FDFT1: variants seen among roughly 807,000 people sequenced by gnomAD.
The protein encoded by FDFT1 is squalene synthase.
A neutral mutation model predicts 46.8 loss-of-function variants in FDFT1; 68 were observed. The ratio of observed to expected loss-of-function variants is 1.45; its 90% CI spans 1.19 to 1.78. The LOEUF is 1.78. Ranked by LOEUF, FDFT1 falls within the 40% of genes most tolerant of loss-of-function variation. FDFT1 has a pLI of 0.00. For synonymous variants in FDFT1, 351 were observed against 185.1 expected (o/e 1.90, Z -7.28); for missense variants, 928 against 524.4 (o/e 1.77, Z -7.52).
intron 6 of FDFT1, 32 bp from the exon 7 acceptor site, chr8:11,831,486 T>G: frequency 6.2e-7 from 1 of 1,600,016 alleles, no homozygotes; most frequent in Non-Finnish European, 8.5e-7. Flanking sequence ...ACATCATTTC[T>G]TCTTTTTTCC....
At chr8:11,818,169 T>C (rs1341266621) in intron 3 of FDFT1, among the ~76,000 whole-genome samples, 1 of 152,206 alleles carries the variant, frequency 6.6e-6, no homozygotes, top group Non-Finnish European at 1.5e-5. Context: ...AGATGTGTGG[T>C]TTTGAGTGAG....
intron 6 of FDFT1, 74 bp downstream of exon 6, chr8:11,830,494 T>C: frequency 8.3e-6 from 9 of 1,079,298 alleles, no homozygotes; most frequent in South Asian, 1.3e-5. Flanking sequence ...GATTTTGCTG[T>C]GCTATATTCA....
At chr8:11,801,912 A>C (rs1234512045), upstream of FDFT1, 2 of 448,030 alleles carry the variant, frequency 4.5e-6, no homozygotes, top group Non-Finnish European at 8.9e-6. Flanking sequence ...GATGGTCTCG[A>C]TCTCTTGACC....
chr8:11,806,958 T>A lies in FDFT1; in HGVS notation c.100-1836T>A, dbSNP rs1006097093. Among the ~76,000 whole-genome samples, 13 of 152,292 alleles carry A rather than the reference T, an allele frequency of 8.5e-5. No individual in the cohort carries two copies. In the East Asian group the frequency reaches 1.9e-3, roughly 23 times the overall value. On this transcript the variant is annotated intron_variant, in intron 1 of 7. Transcript: ENST00000220584. The stretch of plus-strand genomic sequence containing the variant: ...TTTTTATGGCAATAAAATGACTTTT[T>A]CAGGATTATGTGATTTAAAAGATTG...
upstream of FDFT1, chr8:11,802,360 C>G (rs554200804): frequency 2.2e-6 from 1 of 445,098 alleles, no homozygotes; most frequent in Admixed American, 2.5e-5. Context: ...CAGCCCCGCA[C>G]TGCTCTCCCG....
intron 1 of FDFT1, among the ~76,000 whole-genome samples, chr8:11,807,157 G>C (rs1359747187): frequency 6.6e-6 from 1 of 152,016 alleles, no homozygotes; most frequent in Non-Finnish European, 1.5e-5. Context: ...TTGGATATTT[G>C]TTTTTTATTT....
In FDFT1 at chr8:11,821,764, T is replaced by G. The variant is rs201713766; in HGVS notation, c.396T>G (p.Phe132Leu). 38 of 1,613,318 alleles carry G rather than the reference T, an allele frequency of 2.4e-5. No individual in the cohort carries two copies. Among genetic ancestry groups the G allele is most frequent in the Non-Finnish European group, 7.6e-6 (9 of 1,179,528 alleles). The change falls in exon 4 of 8, where the codon TTT becomes TTG. Residue 132 changes from phenylalanine (F) to leucine (L), a missense_variant. By Grantham distance (22) the Phe-to-Leu change is conservative (BLOSUM62 0). Transcript: ENST00000220584. ...LEDFPTISLE[F>L]RNLAEKYQTV... Reference sequence around the variant, plus strand: ...TTCCATTTCAGATCTCCCTTGAGTTTAGAAATCTGGCTGAGAAATACCAAA... The same window carrying G: ...TTCCATTTCAGATCTCCCTTGAGTTGAGAAATCTGGCTGAGAAATACCAAA...
chr8:11,824,318 G>GA (rs1014927384), intron 4 of FDFT1, among the ~76,000 whole-genome samples: 7 of 150,938 alleles, frequency 4.6e-5, no homozygotes, highest in East Asian at 1.9e-4. Flanking sequence ...TGCTGTCGCG[G>GA]AAAAAAAAAG....
Position 11,802,809 on chromosome 8 carries a change from CG to C in FDFT1, c.-21del. On this transcript the variant is annotated 5_prime_UTR_variant, in exon 1 of 8. Transcript: ENST00000220584. ...GGACCGCAGAGGTGAGAGTCGCGCCCGGGAGTCCGCCGCCTGCGCCAGGATG... is the reference window on the plus strand; with the variant it reads ...GGACCGCAGAGGTGAGAGTCGCGCCCGGAGTCCGCCGCCTGCGCCAGGATG... 6.3e-7 allele frequency: 1 copy of C among 1,586,084 alleles called. No homozygotes were observed. Among genetic ancestry groups the C allele is most frequent in the Non-Finnish European group, 8.6e-7 (1 of 1,162,020 alleles).
At chr8:11,829,042 A>C (rs541295102) in intron 5 of FDFT1, among the ~76,000 whole-genome samples, 171 of 152,308 alleles carry the variant, frequency 1.1e-3, no homozygotes, top group African/African-American at 3.8e-3. Flanking sequence ...TTGCTGGTTC[A>C]TACAGCAGCT....
At chr8:11,802,354 C>T (rs1033106209), upstream of FDFT1, 25 of 438,166 alleles carry the variant, frequency 5.7e-5, no homozygotes, top group East Asian at 4.2e-4. Flanking sequence ...AGGAAGCAGC[C>T]CCGCACTGCT....
intron 3 of FDFT1, among the ~76,000 whole-genome samples, chr8:11,815,379 A>G (rs1434177856): frequency 6.6e-6 from 1 of 152,202 alleles, no homozygotes. Context: ...CTTTGGGTAT[A>G]TGCCCAGTAA....
Position 11,823,544 on chromosome 8 carries a change from T to C in FDFT1, c.510+1666T>C, listed in dbSNP as rs1809546287. 3.3e-5 allele frequency among the ~76,000 whole-genome samples: 5 copies of C among 152,248 alleles called. No individual in the cohort carries two copies. In the South Asian group the frequency reaches 1.0e-3, roughly 32 times the overall value. ...TCACCTGTGCATTCTTCCCCCTGAT[T>C]AGTCTCTGGCTTTGTATTACTTTCA... On this transcript the variant is annotated intron_variant, in intron 4 of 7. Transcript: ENST00000220584.
chr8:11,804,022 T>C (rs964659995), intron 1 of FDFT1, among the ~76,000 whole-genome samples: 10 of 152,266 alleles, frequency 6.6e-5, no homozygotes, highest in South Asian at 4.1e-4. Context: ...TATTTAGATA[T>C]AGCATTCATT....
Position 11,838,661 on chromosome 8 carries a change from T to C in FDFT1, c.*52T>C, listed in dbSNP as rs1389087053. The C allele has an allele frequency of 1.5e-6, 2 of 1,338,160 alleles. No individual in the cohort carries two copies. Among genetic ancestry groups the C allele is most frequent in the African/African-American group, 1.4e-5 (1 of 69,416 alleles). The allele number at this position is 1,338,160 out of a possible 1,614,324, so 82.9% of individuals were successfully genotyped here. A position where few individuals can be genotyped will look rare whatever the true frequency, so the allele number is the denominator to read the frequency against. On this transcript the variant is annotated 3_prime_UTR_variant, in exon 8 of 8. Transcript: ENST00000220584. ...CACCATAAAGTGGATTTACTTTTTT[T>C]CTTTAAGGATGGATGTTGTGTTCTC... is the stretch of plus-strand genomic sequence containing the variant.
Position 11,802,842 on chromosome 8 carries a change from G to C in FDFT1, c.10G>C (p.Val4Leu). 2 of 1,610,374 alleles carry C rather than the reference G, an allele frequency of 1.2e-6. No homozygotes were observed. The highest frequency in any genetic ancestry group is 2.2e-5 in the East Asian group (1 of 44,790). ...CGCCGCCTGCGCCAGGATGGAGTTC[G>C]TGAAATGCCTTGGCCACCCCGAAGA... MEF[V>L]KCLGHPEEFY... Residue 4 changes from valine to leucine, a missense_variant, in exon 1 of 8, where the codon GTG becomes CTG. By Grantham distance (32) the Val-to-Leu change is conservative. Transcript: ENST00000220584.
At chr8:11,831,870 C>G (rs140728819) in intron 7 of FDFT1, 200 bp downstream of exon 7, 5 of 530,338 alleles carry the variant, frequency 9.4e-6, no homozygotes, top group Non-Finnish European at 1.7e-5. Context: ...GTGTAGTACC[C>G]TGGTGAGAGG....
At chr8:11,816,854 T>C (rs1808532559) in intron 3 of FDFT1, among the ~76,000 whole-genome samples, 2 of 152,226 alleles carry the variant, frequency 1.3e-5, no homozygotes, top group South Asian at 2.1e-4. Context: ...TTGAATACCC[T>C]TTATTTCTTT....
intron 3 of FDFT1, among the ~76,000 whole-genome samples, chr8:11,814,148 C>G (rs1000781471): frequency 1.3e-5 from 2 of 152,108 alleles, no homozygotes; most frequent in South Asian, 4.1e-4. Context: ...GAGCAGAGTC[C>G]AACGGAGATT....
Sources: allele counts gnomAD v4.1 joint callset (sites outside exome capture counted in the v4.1 genomes callset), GRCh38; gene constraint gnomAD v4.1.1; transcripts MANE v1.5; gene names NCBI Gene and HGNC (gene_info 2026-07-23, HGNC 2026-07-21).